The following CARMIL1 variants were observed in gnomAD, a reference collection of about 807,000 sequenced individuals.
CARMIL1 encodes capping protein regulator and myosin 1 linker 1.
Under a neutral mutation model 177.1 loss-of-function variants are expected in CARMIL1, and 90 were observed. The observed-to-expected ratio is 0.51, with a 90% CI of 0.43 to 0.61. The LOEUF (loss-of-function observed/expected upper bound fraction) is 0.61, where lower values mean the gene tolerates loss of function less well. CARMIL1 is among the 20% of genes least tolerant of loss of function. The pLI is 0.00. For synonymous variants in CARMIL1, 577 were observed against 606.2 expected, an observed-to-expected ratio of 0.95 and a Z score of 0.71; for missense variants, 1,380 against 1,667.0, an observed-to-expected ratio of 0.83 and a Z score of 3.00.
rs528294982 is a variant in CARMIL1, at chr6:25,411,801, A to G, written c.139-8313A>G. On this transcript the variant is annotated intron_variant, in intron 2 of 36. Transcript: ENST00000329474. ...AAACTCAGTGACTTCTTGACCGCCT[A>G]TTGAAGAAGCACCTGTTGGTCCAGG... is the stretch of plus-strand genomic sequence containing the variant. Among the ~76,000 whole-genome samples, 4 of 152,340 alleles carry G rather than the reference A, an allele frequency of 2.6e-5. No individual in the cohort carries two copies. In the South Asian group the frequency reaches 8.3e-4, roughly 32 times the overall value.
intron 2 of CARMIL1, among the ~76,000 whole-genome samples, chr6:25,407,891 C>T (rs1410176479): frequency 6.6e-6 from 1 of 152,150 alleles, no homozygotes; most frequent in African/African-American, 2.4e-5. Flanking sequence ...ATGTGAATCA[C>T]CTGGGGATTT....
At chr6:25,595,667 A>G (rs912853954) in intron 32 of CARMIL1, among the ~76,000 whole-genome samples, 3 of 152,122 alleles carry the variant, frequency 2.0e-5, no homozygotes, top group African/African-American at 7.2e-5. Flanking sequence ...CATCCTTCAG[A>G]CACATCTGTT....
rs201727063 is a variant in CARMIL1, at chr6:25,472,573, G to GAATTTT, written c.874+58_874+63dup. On this transcript the variant is annotated intron_variant, in intron 11 of 36. Transcript: ENST00000329474. ...ATGCCAGAATTGTAAGAGGATTAGA[G>GAATTTT]AATTTTAATTTAGCCATGCCTGAAG... is the stretch of plus-strand genomic sequence containing the variant. 9.2e-4 allele frequency: 1,304 copies of GAATTTT among 1,424,716 alleles called. 14 individuals are homozygous for GAATTTT. In the African/African-American group the frequency reaches 0.015, roughly 17 times the overall value. The allele number at this position is 1,424,716 out of a possible 1,614,324, so 88.3% of individuals were successfully genotyped here.
chr6:25,586,279 G>T (rs1461265900), intron 31 of CARMIL1, among the ~76,000 whole-genome samples: 9 of 151,040 alleles, frequency 6.0e-5, no homozygotes, highest in Non-Finnish European at 1.0e-4. Flanking sequence ...CCCAGACGGG[G>T]TGGCGGTTGG....
At chr6:25,372,437 G>A (rs11752017) in intron 2 of CARMIL1, among the ~76,000 whole-genome samples, 11,844 of 151,944 alleles carry the variant, frequency 0.078, 539 homozygotes, top group Non-Finnish European at 0.1. Context: ...GTGTTTTGTC[G>A]TTCTTGAAGA....
At chr6:25,337,287 C>T (rs1358880690) in intron 2 of CARMIL1, among the ~76,000 whole-genome samples, 1 of 152,172 alleles carries the variant, frequency 6.6e-6, no homozygotes, top group Admixed American at 6.5e-5. Context: ...AGTATTTTCT[C>T]CCATATATTC....
At chr6:25,498,493 T>G (rs1012602893) in intron 16 of CARMIL1, among the ~76,000 whole-genome samples, 1 of 152,208 alleles carries the variant, frequency 6.6e-6, no homozygotes, top group Non-Finnish European at 1.5e-5. Flanking sequence ...TGGGCTTCTA[T>G]AGTTAAATGC....
At chr6:25,394,970 T>TA (rs1793237976) in intron 2 of CARMIL1, among the ~76,000 whole-genome samples, 4 of 152,226 alleles carry the variant, frequency 2.6e-5, no homozygotes, top group Admixed American at 2.6e-4. Context: ...TGGTAACTCT[T>TA]AGACTATTTA....
At chr6:25,590,269 T>C (rs1814166642) in intron 31 of CARMIL1, among the ~76,000 whole-genome samples, 1 of 152,222 alleles carries the variant, frequency 6.6e-6, no homozygotes, top group Admixed American at 6.5e-5. Flanking sequence ...AGACTGATAA[T>C]TTTTCTTTTT....
intron 36 of CARMIL1, chr6:25,612,798 T>C: frequency 3.0e-6 from 3 of 985,316 alleles, no homozygotes; most frequent in Non-Finnish European, 3.6e-6. Context: ...AGCCTTCCAG[T>C]AGAGGGAAAA....
At chr6:25,375,426 C>A (rs557802807) in intron 2 of CARMIL1, among the ~76,000 whole-genome samples, 2 of 152,260 alleles carry the variant, frequency 1.3e-5, no homozygotes, top group African/African-American at 4.8e-5. Context: ...GAATTCTTTC[C>A]TTCATGTTTA....
At chr6:25,335,329 T>C (rs1786098242) in intron 2 of CARMIL1, among the ~76,000 whole-genome samples, 1 of 152,226 alleles carries the variant, frequency 6.6e-6, no homozygotes, top group African/African-American at 2.4e-5. Context: ...AGATAAGGAA[T>C]GCATAATCAC....
intron 2 of CARMIL1, among the ~76,000 whole-genome samples, chr6:25,300,269 T>C (rs557482751): frequency 4.6e-5 from 7 of 152,322 alleles, no homozygotes; most frequent in East Asian, 1.9e-4. Context: ...TCCCACCACA[T>C]AGCAATTTGT....
At chr6:25,398,703 C>T (rs1268525666) in intron 2 of CARMIL1, among the ~76,000 whole-genome samples, 1 of 152,118 alleles carries the variant, frequency 6.6e-6, no homozygotes, top group Non-Finnish European at 1.5e-5. Context: ...CAAGCCCTTC[C>T]AGAATCATGC....
intron 27 of CARMIL1, among the ~76,000 whole-genome samples, chr6:25,553,609 A>G (rs1020868764): frequency 1.3e-5 from 2 of 152,250 alleles, no homozygotes; most frequent in African/African-American, 4.8e-5. Flanking sequence ...CTAAAGCAGT[A>G]ACTAAGACTT....
chr6:25,463,817 TCC>T (rs1800334844), intron 8 of CARMIL1, among the ~76,000 whole-genome samples: 2 of 132,438 alleles, frequency 1.5e-5, no homozygotes, highest in Admixed American at 7.8e-5. Context: ...AGAGTTGTTC[TCC>T]TTTTTTTTTT....
intron 17 of CARMIL1, among the ~76,000 whole-genome samples, chr6:25,504,766 C>CA (rs1276206628): frequency 1.3e-5 from 2 of 152,102 alleles, no homozygotes; most frequent in African/African-American, 2.4e-5. Flanking sequence ...GAAAATGACT[C>CA]AAAGTAGTTA....
chr6:25,585,476 G>A (rs1813549400), intron 31 of CARMIL1, among the ~76,000 whole-genome samples: 1 of 152,294 alleles, frequency 6.6e-6, no homozygotes, highest in East Asian at 1.9e-4. Flanking sequence ...TGTAATGACC[G>A]ATTTTTGTGC....
chr6:25,310,623 G>A (rs191147966), intron 2 of CARMIL1, among the ~76,000 whole-genome samples: 1 of 152,082 alleles, frequency 6.6e-6, no homozygotes, highest in Non-Finnish European at 1.5e-5. Context: ...ACTGCTCTAG[G>A]GATTTTTTAA....
Sources: allele counts gnomAD v4.1 joint callset (sites outside exome capture counted in the v4.1 genomes callset), GRCh38; gene constraint gnomAD v4.1.1; transcripts MANE v1.5; gene names NCBI Gene and HGNC (gene_info 2026-07-23, HGNC 2026-07-21).